OCA2: variants seen among roughly 807,000 people sequenced by gnomAD.
OCA2 encodes OCA2 melanosomal transmembrane protein.
OCA2 carries 77 observed loss-of-function variants against 100.2 expected under a neutral mutation model. That is an observed-to-expected ratio of 0.77 (90% confidence interval 0.64 to 0.93). The LOEUF is 0.93. Ranked by LOEUF, OCA2 falls within the 40% of genes least tolerant of loss-of-function variation. The probability of loss-of-function intolerance (pLI) is 0.00; values close to 1 mark genes in which losing one functional copy is unlikely to be tolerated. For missense variants in OCA2, 1,062 were observed against 1,089.1 expected, an observed-to-expected ratio of 0.98 and a Z score of 0.35; for synonymous variants, 432 against 439.2, an observed-to-expected ratio of 0.98 and a Z score of 0.21.
chr15:28,079,838 T>C (rs74007935), intron 2 of OCA2, among the ~76,000 whole-genome samples: 10,819 of 152,130 alleles, frequency 0.071, 1,160 homozygotes, highest in African/African-American at 0.23. Context: ...TGCCAGCTCC[T>C]GCCCCCATGT....
At chr15:27,722,830 CTTTCTCTCTTTCTCTCTT>C in the OCA2 span, among the ~76,000 whole-genome samples, 1 of 147,500 alleles carries the variant, frequency 6.8e-6, no homozygotes, top group Non-Finnish European at 1.5e-5. Flanking sequence ...CTCTCTCTCT[CTTTCTCTCTTTCTCTCTT>C]TCTTTCTTTC....
Position 27,816,793 on chromosome 15 carries a change from G to A in OCA2, c.2432+28166C>T, listed in dbSNP as rs533034619. On this transcript the variant is annotated intron_variant, in intron 23 of 23. Coordinates refer to ENST00000354638, the MANE Select transcript of OCA2 (RefSeq NM_000275.3). ...GCCACCCTCTGTTTCCTGCTTGGACGTGGCCTATAGGAGCAGGAGGCTTCT... is the reference window on the plus strand; with the variant it reads ...GCCACCCTCTGTTTCCTGCTTGGACATGGCCTATAGGAGCAGGAGGCTTCT... 1.8e-4 allele frequency among the ~76,000 whole-genome samples: 28 copies of A among 152,062 alleles called. No homozygotes were observed. The South Asian group carries it at 3.3e-3, about 18-fold the overall frequency.
intron 1 of OCA2, among the ~76,000 whole-genome samples, chr15:28,093,672 T>G (rs552292566): frequency 7.9e-5 from 12 of 152,212 alleles, no homozygotes; most frequent in African/African-American, 2.6e-4. Context: ...AGAAGCTATA[T>G]GAAAAATTGG....
intron 23 of OCA2, among the ~76,000 whole-genome samples, chr15:27,785,500 T>C (rs2032766823): frequency 6.6e-6 from 1 of 152,146 alleles, no homozygotes; most frequent in Admixed American, 6.5e-5. Context: ...TTACTAATCA[T>C]TAGGGAAATT....
At chr15:28,083,471 T>C (rs1036045451) in intron 1 of OCA2, among the ~76,000 whole-genome samples, 3 of 152,152 alleles carry the variant, frequency 2.0e-5, no homozygotes, top group African/African-American at 4.8e-5. Context: ...TCTTGTATCA[T>C]AAAAGTGAGA....
At chr15:28,008,376 A>G (rs929913987) in intron 9 of OCA2, among the ~76,000 whole-genome samples, 1 of 152,242 alleles carries the variant, frequency 6.6e-6, no homozygotes, top group Non-Finnish European at 1.5e-5. Context: ...TACTAATCCA[A>G]GCAAGCATTA....
chr15:27,896,008 C>T (rs1307173802), intron 19 of OCA2: 1 of 964,174 alleles, frequency 1.0e-6, no homozygotes, highest in Non-Finnish European at 1.6e-6. Flanking sequence ...ATTGTACTGG[C>T]CTGCAGGCTT....
At chr15:27,968,415 T>C (rs1019131956) in intron 14 of OCA2, among the ~76,000 whole-genome samples, 12 of 152,188 alleles carry the variant, frequency 7.9e-5, no homozygotes, top group Admixed American at 2.6e-4. Flanking sequence ...AGGAACCTCT[T>C]ACATAGGTAG....
chr15:27,822,479 T>C (rs2034544023), intron 23 of OCA2, among the ~76,000 whole-genome samples: 1 of 152,192 alleles, frequency 6.6e-6, no homozygotes, highest in Non-Finnish European at 1.5e-5. Context: ...CAAATGAATC[T>C]TTCAGGTGGT....
At chr15:27,892,620 T>C (rs1048771792) in intron 19 of OCA2, among the ~76,000 whole-genome samples, 1 of 152,110 alleles carries the variant, frequency 6.6e-6, no homozygotes, top group Non-Finnish European at 1.5e-5. Context: ...GGAAATCTCA[T>C]ATCAACAATC....
chr15:27,985,177 G>A lies in OCA2; in HGVS notation c.1251C>T (p.Leu417=), dbSNP rs1483258761. 6.2e-7 allele frequency: 1 copy of A among 1,613,800 alleles called. No homozygotes were observed. The highest frequency in any genetic ancestry group is 1.7e-5 in the Admixed American group (1 of 60,018). The part of the protein sequence containing the change: ...FDYCAVKAYR[L]SRGRVWAMII... ...TCATGGCCCACACCCGTCCCCGGGA[G>A]AGCCGGTATGCCTGGCCACACACAC... is the stretch of plus-strand genomic sequence containing the variant. The change falls in exon 13 of 24, where the codon CTC becomes CTT. Residue 417 remains leucine, a synonymous_variant. Coordinates refer to ENST00000354638, the MANE Select transcript of OCA2 (RefSeq NM_000275.3).
intron 2 of OCA2, among the ~76,000 whole-genome samples, chr15:28,072,589 CAAAA>C (rs760224063): frequency 6.7e-5 from 4 of 60,070 alleles, no homozygotes; most frequent in African/African-American, 1.5e-4. Flanking sequence ...GATTCCGTCT[CAAAA>C]AAAAAAAAAA....
At chr15:28,097,196 C>A (rs948522406) in intron 1 of OCA2, among the ~76,000 whole-genome samples, 1 of 152,222 alleles carries the variant, frequency 6.6e-6, no homozygotes, top group Non-Finnish European at 1.5e-5. Context: ...GCCAGCCACA[C>A]CTCCCCACGG....
rs180942731 is a variant in OCA2 at position 27,881,355 on chromosome 15, T to C, written c.2080-9433A>G. ...TTGTTGTAACTCTGCCAGGTTTTGG[T>C]ATCAGGATGATGCTGGCCTCATAAA... On this transcript the variant is annotated intron_variant, in intron 19 of 23. Coordinates refer to ENST00000354638, the MANE Select transcript of OCA2 (RefSeq NM_000275.3). Among the ~76,000 whole-genome samples the C allele has an allele frequency of 2.9e-3, 436 of 152,336 alleles. 1 individual carries two copies. The highest frequency in any genetic ancestry group is 4.8e-3 in the Non-Finnish European group (324 of 68,030).
intron 23 of OCA2, among the ~76,000 whole-genome samples, chr15:27,805,511 C>T (rs2033799443): frequency 6.6e-6 from 1 of 152,174 alleles, no homozygotes; most frequent in African/African-American, 2.4e-5. Flanking sequence ...GGCACTAACC[C>T]CAGCACGAGG....
chr15:27,825,802 C>T (rs1211918641), intron 23 of OCA2, among the ~76,000 whole-genome samples: 1 of 152,208 alleles, frequency 6.6e-6, no homozygotes, highest in Non-Finnish European at 1.5e-5. Flanking sequence ...CATGCCAGTG[C>T]CCAGCCCACT....
chr15:28,095,989 C>G (rs934857168), intron 1 of OCA2, among the ~76,000 whole-genome samples: 4 of 152,222 alleles, frequency 2.6e-5, no homozygotes, highest in Non-Finnish European at 5.9e-5. Flanking sequence ...AGCGAGAAAC[C>G]GCCCCTGGCT....
intron 22 of OCA2, among the ~76,000 whole-genome samples, chr15:27,850,041 A>G (rs2035688882): frequency 6.6e-6 from 1 of 152,166 alleles, no homozygotes; most frequent in African/African-American, 2.4e-5. Context: ...CTCAGTTAAT[A>G]AGTGTCTAAT....
intron 2 of OCA2, among the ~76,000 whole-genome samples, chr15:28,035,546 G>A (rs1231908126): frequency 1.3e-5 from 2 of 152,144 alleles, no homozygotes; most frequent in East Asian, 3.9e-4. Flanking sequence ...AAAAATGGTG[G>A]TCCACAAAGC....
Sources: gnomAD v4.1 joint callset for allele counts (sites outside exome capture counted in the v4.1 genomes callset) on GRCh38, gnomAD v4.1.1 for gene constraint, MANE v1.5 for transcripts, NCBI Gene and HGNC (gene_info 2026-07-23, HGNC 2026-07-21) for gene names.